Variants in ASAP1 observed in about 807,000 individuals in gnomAD.
ASAP1 encodes the protein arf-GAP with SH3 domain, ANK repeat and PH domain-containing protein 1.
A neutral mutation model predicts 145.2 loss-of-function variants in ASAP1; 43 were observed. The ratio of observed to expected loss-of-function variants is 0.30; its 90% CI spans 0.23 to 0.38. ASAP1 has a LOEUF of 0.38. Among genes scored for constraint, ASAP1 ranks in the 10% least tolerant of loss-of-function variants. The probability of loss-of-function intolerance (pLI) is 1.00; values close to 1 mark genes in which losing one functional copy is unlikely to be tolerated. For missense variants in ASAP1, 1,018 were observed against 1,355.3 expected (o/e 0.75, Z 3.91); for synonymous variants, 546 against 515.5 (o/e 1.06, Z -0.80).
chr8:130,281,314 T>C (rs75863990), intron 3 of ASAP1, among the ~76,000 whole-genome samples: 1,684 of 152,330 alleles, frequency 0.011, 29 homozygotes, highest in African/African-American at 0.039. Flanking sequence ...GCTTTCTCCA[T>C]TGCTTTTAAG....
At chr8:130,133,690 A>C (rs113046492) in intron 15 of ASAP1, among the ~76,000 whole-genome samples, 8,103 of 148,760 alleles carry the variant, frequency 0.054, 278 homozygotes, top group Middle Eastern at 0.08. Context: ...CAAACAAACA[A>C]AAAAAAAAAC....
intron 2 of ASAP1, among the ~76,000 whole-genome samples, chr8:130,389,262 T>C (rs1208047262): frequency 1.3e-5 from 2 of 152,196 alleles, no homozygotes; most frequent in African/African-American, 2.4e-5. Flanking sequence ...CAGTAAGCTC[T>C]AGGGTGGAGA....
At chr8:130,300,113 TACAC>T (rs373589102) in intron 3 of ASAP1, among the ~76,000 whole-genome samples, 1,627 of 72,800 alleles carry the variant, frequency 0.022, 21 homozygotes, top group Middle Eastern at 0.058. Flanking sequence ...AAAAGAAAAA[TACAC>T]ACACACACAC....
intron 14 of ASAP1, among the ~76,000 whole-genome samples, chr8:130,135,892 C>A (rs370628399): frequency 1.3e-5 from 2 of 152,272 alleles, no homozygotes; most frequent in African/African-American, 4.8e-5. Flanking sequence ...ACAGATGCTG[C>A]AGAATACAGT....
intron 1 of ASAP1, among the ~76,000 whole-genome samples, chr8:130,435,296 A>G (rs1457391272): frequency 6.6e-6 from 1 of 152,178 alleles, no homozygotes; most frequent in African/African-American, 2.4e-5. Flanking sequence ...GCATCTTAGT[A>G]AGTCTTTTGC....
intron 5 of ASAP1, among the ~76,000 whole-genome samples, chr8:130,210,363 C>T (rs1816503432): frequency 6.6e-6 from 1 of 152,060 alleles, no homozygotes; most frequent in African/African-American, 2.4e-5. Context: ...ACATAATACA[C>T]ATGGAAAACG....
At chr8:130,359,441 G>A (rs1826589231) in intron 2 of ASAP1, among the ~76,000 whole-genome samples, 2 of 141,342 alleles carry the variant, frequency 1.4e-5, no homozygotes, top group Non-Finnish European at 3.3e-5. Flanking sequence ...TTTAAAAGAA[G>A]AAGAAGAAGA....
chr8:130,232,614 C>T (rs1017619777), intron 4 of ASAP1, among the ~76,000 whole-genome samples: 2 of 148,742 alleles, frequency 1.3e-5, no homozygotes, highest in African/African-American at 5.0e-5. Context: ...TGCATGGAGA[C>T]AATTTGTTTA....
intron 2 of ASAP1, among the ~76,000 whole-genome samples, chr8:130,379,721 T>C (rs1199127979): frequency 6.6e-6 from 1 of 152,166 alleles, no homozygotes; most frequent in Admixed American, 6.5e-5. Flanking sequence ...TCACCAGAGA[T>C]GCTGGACGCT....
chr8:130,380,328 C>T (rs978514301), intron 2 of ASAP1, among the ~76,000 whole-genome samples: 6 of 152,330 alleles, frequency 3.9e-5, no homozygotes, highest in African/African-American at 1.4e-4. Context: ...GTGTATTCTC[C>T]AACTCTGCTC....
chr8:130,191,896 A>T (rs1815164301), intron 5 of ASAP1, among the ~76,000 whole-genome samples: 1 of 152,076 alleles, frequency 6.6e-6, no homozygotes, highest in South Asian at 2.1e-4. Context: ...ACTTCTTCCT[A>T]ACCCTTTCCT....
intron 3 of ASAP1, among the ~76,000 whole-genome samples, chr8:130,314,296 T>G (rs1031568109): frequency 6.6e-6 from 1 of 152,138 alleles, no homozygotes; most frequent in Non-Finnish European, 1.5e-5. Context: ...ATTGAAATGA[T>G]GAGGAGGAGG....
chr8:130,261,682 A>G (rs1359353912), intron 3 of ASAP1, among the ~76,000 whole-genome samples: 1 of 152,202 alleles, frequency 6.6e-6, no homozygotes, highest in East Asian at 1.9e-4. Flanking sequence ...CATATAGTCA[A>G]CAGAGAGTAA....
intron 3 of ASAP1, among the ~76,000 whole-genome samples, chr8:130,270,750 C>T (rs772957810): frequency 1.1e-4 from 16 of 152,190 alleles, no homozygotes; most frequent in Non-Finnish European, 2.1e-4. Flanking sequence ...CAGGTAGAAG[C>T]TGCTGGGAAA....
At chr8:130,242,590 T>C (rs576655133) in intron 3 of ASAP1, among the ~76,000 whole-genome samples, 28 of 152,226 alleles carry the variant, frequency 1.8e-4, no homozygotes, top group African/African-American at 6.7e-4. Context: ...AATTAACACT[T>C]GCATAAGAGG....
intron 3 of ASAP1, among the ~76,000 whole-genome samples, chr8:130,315,242 AAAG>A (rs1339200092): frequency 1.3e-5 from 2 of 152,162 alleles, no homozygotes; most frequent in African/African-American, 2.4e-5. Flanking sequence ...GGATTTACAA[AAAG>A]AAGAAGAAAC....
At chr8:130,177,347 C>T (rs1020014670) in intron 9 of ASAP1, among the ~76,000 whole-genome samples, 4 of 152,184 alleles carry the variant, frequency 2.6e-5, no homozygotes, top group South Asian at 4.1e-4. Flanking sequence ...GAGAATTTAA[C>T]GTGAAAATAG....
At chr8:130,173,498 G>T (rs1425840486) in intron 9 of ASAP1, among the ~76,000 whole-genome samples, 1 of 152,126 alleles carries the variant, frequency 6.6e-6, no homozygotes, top group Non-Finnish European at 1.5e-5. Context: ...TGCACACATG[G>T]CTCATGCCTG....
intron 3 of ASAP1, among the ~76,000 whole-genome samples, chr8:130,325,278 G>A (rs59411017): frequency 0.011 from 1,704 of 152,226 alleles, 31 homozygotes; most frequent in African/African-American, 0.04. Context: ...TTCTTTCAAC[G>A]TATTCAAAAG....
Sources: allele counts gnomAD v4.1 joint callset (sites outside exome capture counted in the v4.1 genomes callset), GRCh38; gene constraint gnomAD v4.1.1; transcripts MANE v1.5; gene names NCBI Gene and HGNC (gene_info 2026-07-23, HGNC 2026-07-21).